The following ESYT1 variants were observed in gnomAD, a reference collection of about 807,000 sequenced individuals.
ESYT1 encodes extended synaptotagmin 1.
Under a neutral mutation model 154.2 loss-of-function variants are expected in ESYT1, and 116 were observed. The ratio of observed to expected loss-of-function variants is 0.75; its 90% confidence interval spans 0.65 to 0.88. ESYT1 has a LOEUF of 0.88. Ranked by LOEUF, ESYT1 falls within the 40% of genes least tolerant of loss-of-function variation. ESYT1 has a pLI of 0.00. For synonymous variants in ESYT1, 500 were observed against 539.9 expected (o/e 0.93, Z 1.02); for missense variants, 1,264 against 1,379.3 (o/e 0.92, Z 1.32).
At chr12:56,131,690 T>C in intron 6 of ESYT1, 59 bp from the exon 7 acceptor site, 9 of 1,608,930 alleles carry the variant, frequency 5.6e-6, no homozygotes, top group Non-Finnish European at 6.8e-6. Context: ...CTGGCAACTG[T>C]TTGATGGGTA....
intron 7 of ESYT1, 134 bp downstream of exon 7, chr12:56,131,938 C>T (rs1294542466): frequency 3.8e-6 from 4 of 1,046,292 alleles, no homozygotes; most frequent in Non-Finnish European, 5.8e-6. Flanking sequence ...AGACAAATAC[C>T]CCTGCAAAGT....
At chr12:56,131,219 G>C in intron 4 of ESYT1, 25 bp from the exon 5 acceptor site, 2 of 1,614,102 alleles carry the variant, frequency 1.2e-6, no homozygotes, top group Non-Finnish European at 1.7e-6. Context: ...TAACTCTCTT[G>C]GTTCTCTTCT....
chr12:56,133,211 G>A (rs186836793), intron 10 of ESYT1, among the ~76,000 whole-genome samples: 1 of 152,262 alleles, frequency 6.6e-6, no homozygotes, highest in African/African-American at 2.4e-5. Flanking sequence ...TGGGAATCAT[G>A]TATCATTTTC....
Position 56,142,254 on chromosome 12 carries a change from G to C in ESYT1, c.2593-31G>C. Reference sequence around the variant, plus strand: ...GATTAACTCATTTGTTGATGCATTCGCCTCTTGATCATGGTCCTGTTGCCC... The same window carrying C: ...GATTAACTCATTTGTTGATGCATTCCCCTCTTGATCATGGTCCTGTTGCCC... On this transcript the variant is annotated intron_variant, in intron 24 of 30. Transcript: ENST00000394048. This position sits in a 1 kb window ranked among gnomAD's most constrained non-coding sequence, Gnocchi z 4.1. The C allele has an allele frequency of 1.2e-6, 2 of 1,610,312 alleles. No homozygotes were observed. Among genetic ancestry groups the C allele is most frequent in the Non-Finnish European group, 1.7e-6 (2 of 1,177,434 alleles).
At chr12:56,134,467 A>G in intron 15 of ESYT1, 39 bp downstream of exon 15, 1 of 1,542,876 alleles carries the variant, frequency 6.5e-7, no homozygotes, top group Non-Finnish European at 9.0e-7. Context: ...CGAATACCCT[A>G]TTCTGACTTC....
chr12:56,131,268 T>C lies in ESYT1; in HGVS notation c.666T>C (p.Asp222=), dbSNP rs1870223442. The part of the protein sequence containing the change: ...NISYVGDVQI[D]VEVKKYFCKA... ...GCTATGTAGGTGATGTGCAGATTGA[T>C]GTGGAAGTGAAGAAATATTTTTGCA... The change falls in exon 5 of 31, where the codon GAT becomes GAC. Residue 222 remains aspartate (D), a synonymous_variant. Transcript: ENST00000394048. 1 of 1,614,030 alleles carries C rather than the reference T, an allele frequency of 6.2e-7. No individual in the cohort carries two copies. The highest frequency in any genetic ancestry group is 1.3e-5 in the African/African-American group (1 of 74,894).
rs1344902984 is a variant in ESYT1, at chr12:56,131,551, C to T, written c.789C>T (p.Phe263=). The part of the protein sequence containing the change: ...DLPFVGAVSM[F]FIRRPTLDIN... ...CCTTCGTGGGGGCTGTGTCAATGTTCTTCATCCGACGCCCGGTAAGGGAAA... is the reference window on the plus strand; with the variant it reads ...CCTTCGTGGGGGCTGTGTCAATGTTTTTCATCCGACGCCCGGTAAGGGAAA... Residue 263 remains phenylalanine (F), a synonymous_variant, in exon 6 of 31, where the codon TTC becomes TTT. Coordinates refer to ENST00000394048, the MANE Select transcript of ESYT1 (RefSeq NM_015292.3). 5 of 1,613,932 alleles carry T rather than the reference C, an allele frequency of 3.1e-6. No individual in the cohort carries two copies. The East Asian group carries it at 6.7e-5, about 22-fold the overall frequency.
At position 56,130,614 on chromosome 12, in the gene ESYT1, G is replaced by A; in HGVS notation, c.423G>A (p.Trp141Ter). 6.2e-7 allele frequency: 1 copy of A among 1,614,110 alleles called. No homozygotes were observed. Among genetic ancestry groups the A allele is most frequent in the Non-Finnish European group, 8.5e-7 (1 of 1,180,046 alleles). The change falls in exon 2 of 31, where the codon TGG (tryptophan) becomes TGA (stop). Residue 141 changes from tryptophan to a stop codon, truncating the protein, a stop_gained. Transcript: ENST00000394048. LOFTEE classifies it high-confidence loss of function. ...VSFPDVEKAEWLNKIVAQVWP... is the reference protein window; with the variant it reads ...VSFPDVEKAE ...TCCCAGACGTGGAAAAGGCTGAATG[G>A]CTCAATAAGGTGAGGATTGATTTGA...
intron 10 of ESYT1, 33 bp from the exon 11 acceptor site, chr12:56,133,384 C>T: frequency 6.2e-7 from 1 of 1,613,914 alleles, no homozygotes; most frequent in Non-Finnish European, 8.5e-7. Context: ...CCCTTTTCTT[C>T]CTTTCACTAC....
chr12:56,132,593 A>C lies in ESYT1; in HGVS notation c.1157A>C (p.Tyr386Ser). ...EELNPQWGET[Y>S]EVMVHEVPGQ... ...CTCAACCCACAGTGGGGAGAGACTT[A>C]TGAGGTGGGAGAGTTGAGCAGCTCT... The change falls in exon 9 of 31, where the codon TAT (tyrosine) becomes TCT (serine). Residue 386 changes from tyrosine to serine, a missense_variant. By Grantham distance (144) the Tyr-to-Ser change is moderately radical. Transcript: ENST00000394048. The C allele has an allele frequency of 1.2e-6, 2 of 1,614,172 alleles. No homozygotes were observed. The highest frequency in any genetic ancestry group is 2.2e-5 in the South Asian group (2 of 91,084).
chr12:56,142,576 A>G lies in ESYT1; in HGVS notation c.2734-2A>G. On this transcript the variant is annotated splice_acceptor_variant, in intron 25 of 30. Transcript: ENST00000394048. LOFTEE classifies it high-confidence loss of function. This position sits in a 1 kb window ranked among gnomAD's most constrained non-coding sequence, Gnocchi z 4.1. ...CCCAGCTCACAGCTTTCTTGCCCCT[A>G]GATCCTGGTGTCCCAGCACTCGGGA... The G allele has an allele frequency of 1.9e-6, 3 of 1,614,130 alleles. No homozygotes were observed. The highest frequency in any genetic ancestry group is 2.5e-6 in the Non-Finnish European group (3 of 1,180,028).
At chr12:56,136,363 C>T (rs773639287) in intron 15 of ESYT1, among the ~76,000 whole-genome samples, 1 of 151,814 alleles carries the variant, frequency 6.6e-6, no homozygotes, top group Non-Finnish European at 1.5e-5. Context: ...CCGAGGTGGG[C>T]GGATTGCCTG....
chr12:56,140,243 G>T (rs1030477717), intron 24 of ESYT1, among the ~76,000 whole-genome samples: 5 of 152,200 alleles, frequency 3.3e-5, no homozygotes, highest in African/African-American at 1.2e-4. Context: ...AAAAAAAATG[G>T]AGGAGAGAGA....
Position 56,138,918 on chromosome 12 carries a change from C to T in ESYT1, c.2506-9C>T, listed in dbSNP as rs201075753. The T allele has an allele frequency of 3.1e-4, 498 of 1,613,742 alleles. 1 individual carries two copies. Among genetic ancestry groups the T allele is most frequent in the East Asian group, 2.0e-3 (88 of 44,886 alleles). On this transcript the variant is annotated splice_polypyrimidine_tract_variant and intron_variant, in intron 23 of 30. Transcript: ENST00000394048. ...TCAGCTACTGATCATAAGCCCTCATCTCCACCAGACTATTTCGCAAACTTC... is the reference window on the plus strand; with the variant it reads ...TCAGCTACTGATCATAAGCCCTCATTTCCACCAGACTATTTCGCAAACTTC...
At chr12:56,139,084 C>A in intron 24 of ESYT1, 71 bp downstream of exon 24, 10 of 1,133,218 alleles carry the variant, frequency 8.8e-6, no homozygotes, top group Non-Finnish European at 1.3e-5. Context: ...AGGCACAGAG[C>A]ATTCAGAGAT....
In ESYT1 at chr12:56,144,510, G is replaced by A; in HGVS notation, c.*648G>A. 2 of 985,852 alleles carry A rather than the reference G, an allele frequency of 2.0e-6. No individual in the cohort carries two copies. Among genetic ancestry groups the A allele is most frequent in the South Asian group, 4.7e-5 (1 of 21,304 alleles). The allele number at this position is 985,852 out of a possible 1,614,324, so 61.1% of individuals were successfully genotyped here. A position where few individuals can be genotyped will look rare whatever the true frequency, so the allele number is the denominator to read the frequency against. ...CATATCAGTCTTGGAGCTCCTAGCT[G>A]GTGATACGGAGAGGGCTTTGGAGGA... On this transcript the variant is annotated 3_prime_UTR_variant, in exon 31 of 31. Coordinates refer to ENST00000394048, the MANE Select transcript of ESYT1 (RefSeq NM_015292.3).
Position 56,137,317 on chromosome 12 carries a change from G to A in ESYT1, c.1882G>A (p.Val628Met). Residue 628 changes from valine (V) to methionine (M), a missense_variant, in exon 17 of 31, where the codon GTG becomes ATG. Coordinates refer to ENST00000394048, the MANE Select transcript of ESYT1 (RefSeq NM_015292.3). ...TGAGAATCCCCAGAGAGGCAGCAGT[G>A]TGGATGCCCCACCTCGACCCTGTCA... Reference protein sequence around the residue: ...DSENPQRGSSVDAPPRPCHTT... With the variant: ...DSENPQRGSSMDAPPRPCHTT... 6.2e-7 allele frequency: 1 copy of A among 1,614,250 alleles called. No individual in the cohort carries two copies. The highest frequency in any genetic ancestry group is 8.5e-7 in the Non-Finnish European group (1 of 1,180,042).
In ESYT1 at chr12:56,142,035, T is replaced by C. The variant is rs1182899727; in HGVS notation, c.2593-250T>C. Among the ~76,000 whole-genome samples the C allele has an allele frequency of 2.0e-5, 3 of 150,154 alleles. No homozygotes were observed. The highest frequency in any genetic ancestry group is 3.0e-5 in the Non-Finnish European group (2 of 67,516). ...ATCGCTTGAACCTGGGAGGCGGAGGTTGCGGTGAGACCAGATCACGCCATG... is the reference window on the plus strand; with the variant it reads ...ATCGCTTGAACCTGGGAGGCGGAGGCTGCGGTGAGACCAGATCACGCCATG... On this transcript the variant is annotated intron_variant, in intron 24 of 30. Coordinates refer to ENST00000394048, the MANE Select transcript of ESYT1 (RefSeq NM_015292.3). This position sits in a 1 kb window ranked among gnomAD's most constrained non-coding sequence, Gnocchi z 4.1.
chr12:56,136,961 G>T, intron 16 of ESYT1, 68 bp downstream of exon 16: 1 of 1,509,318 alleles, frequency 6.6e-7, no homozygotes, highest in African/African-American at 1.4e-5. Context: ...TTAAGAGTAA[G>T]GAAAGGGACC....
Sources: gnomAD v4.1 joint callset for allele counts (sites outside exome capture counted in the v4.1 genomes callset) on GRCh38, gnomAD v4.1.1 for gene constraint, Gnocchi (gnomAD v3.1) non-coding constraint, MANE v1.5 for transcripts, NCBI Gene and HGNC (gene_info 2026-07-23, HGNC 2026-07-21) for gene names.